The following MAGI1 variants were observed in gnomAD, a reference collection of about 807,000 sequenced individuals.
MAGI1 encodes membrane associated guanylate kinase, WW and PDZ domain containing 1.
Under a neutral mutation model 139.9 loss-of-function variants are expected in MAGI1, and 58 were observed. The observed-to-expected ratio is 0.41, with a 90% CI of 0.34 to 0.52. The LOEUF is 0.52. MAGI1 is among the 20% of genes least tolerant of loss of function. The pLI is 0.12. For missense variants in MAGI1, 1,874 were observed against 1,901.6 expected (o/e 0.99, Z 0.27); for synonymous variants, 812 against 737.9 (o/e 1.10, Z -1.63).
intron 1 of MAGI1, among the ~76,000 whole-genome samples, chr3:65,710,121 C>A (rs1559808512): frequency 6.6e-6 from 1 of 151,920 alleles, no homozygotes; most frequent in African/African-American, 2.4e-5. Flanking sequence ...ATTTCACAAG[C>A]CTTTTTTTAA....
chr3:65,618,329 A>G (rs563940775), intron 2 of MAGI1, among the ~76,000 whole-genome samples: 1 of 152,302 alleles, frequency 6.6e-6, no homozygotes, highest in Non-Finnish European at 1.5e-5. Flanking sequence ...CCATAGGTAC[A>G]CAAAGAAAAG....
intron 1 of MAGI1, among the ~76,000 whole-genome samples, chr3:66,012,764 TC>T (rs1234178091): frequency 3.4e-4 from 28 of 82,550 alleles, no homozygotes; most frequent in African/African-American, 9.2e-4. Flanking sequence ...AGACTCCATC[TC>T]AAAAAAAAAA....
intron 2 of MAGI1, among the ~76,000 whole-genome samples, chr3:65,570,043 T>C (rs2080876315): frequency 6.7e-6 from 1 of 148,700 alleles, no homozygotes; most frequent in South Asian, 2.1e-4. Flanking sequence ...CTCTTTCCAT[T>C]CCTACAGTGC....
intron 16 of MAGI1, among the ~76,000 whole-genome samples, chr3:65,381,449 T>C (rs148736886): frequency 6.6e-6 from 1 of 152,198 alleles, no homozygotes; most frequent in Non-Finnish European, 1.5e-5. Flanking sequence ...GTTTAATACA[T>C]AGGACAGTAA....
In MAGI1 at chr3:65,621,602, C is replaced by T. The variant is rs140338859; in HGVS notation, c.430+370G>A. Among the ~76,000 whole-genome samples the T allele has an allele frequency of 3.0e-3, 459 of 152,316 alleles. 1 individual carries two copies. The highest frequency in any genetic ancestry group is 0.011 in the African/African-American group (441 of 41,568). ...CTGGCCAGGTCTACTCCATTAATAA[C>T]AGCAAATGTTAACATTTATGGAGGC... On this transcript the variant is annotated intron_variant, in intron 2 of 22. Transcript: ENST00000402939.
intron 1 of MAGI1, among the ~76,000 whole-genome samples, chr3:65,677,324 G>C (rs1285415026): frequency 1.3e-5 from 2 of 152,146 alleles, no homozygotes; most frequent in African/African-American, 4.8e-5. Flanking sequence ...CAGGGGTATA[G>C]AGCAAGGTGG....
At chr3:65,421,690 C>T (rs1014290384) in intron 12 of MAGI1, among the ~76,000 whole-genome samples, 3 of 152,128 alleles carry the variant, frequency 2.0e-5, no homozygotes, top group African/African-American at 7.2e-5. Flanking sequence ...CCTTAAATAA[C>T]ATCAGTCTAG....
intron 12 of MAGI1, among the ~76,000 whole-genome samples, chr3:65,422,565 T>A (rs1487516267): frequency 2.0e-5 from 3 of 152,190 alleles, no homozygotes; most frequent in South Asian, 4.1e-4. Flanking sequence ...TCAATGCAGA[T>A]GATTTTCTGA....
chr3:65,999,719 G>A (rs2107432788), intron 1 of MAGI1, among the ~76,000 whole-genome samples: 1 of 151,950 alleles, frequency 6.6e-6, no homozygotes, highest in African/African-American at 2.4e-5. Flanking sequence ...ACACACCAAT[G>A]CTCCACAATC....
At chr3:65,431,573 A>C (rs932428888) in intron 10 of MAGI1, among the ~76,000 whole-genome samples, 2 of 152,118 alleles carry the variant, frequency 1.3e-5, no homozygotes, top group African/African-American at 4.8e-5. Flanking sequence ...TATTTGTTTA[A>C]AAAACACAAA....
At chr3:65,928,994 G>GA (rs2062661565) in intron 1 of MAGI1, among the ~76,000 whole-genome samples, 1 of 151,866 alleles carries the variant, frequency 6.6e-6, no homozygotes, top group African/African-American at 2.4e-5. Context: ...CTTATTTAAT[G>GA]AAAAAAGCAG....
At chr3:65,841,094 G>A (rs72907598) in intron 1 of MAGI1, among the ~76,000 whole-genome samples, 3,784 of 152,134 alleles carry the variant, frequency 0.025, 141 homozygotes, top group African/African-American at 0.085. Context: ...TCCCCTAGAC[G>A]TTTTTGGTAT....
chr3:65,721,719 T>C (rs2033050231), intron 1 of MAGI1, among the ~76,000 whole-genome samples: 2 of 152,172 alleles, frequency 1.3e-5, no homozygotes, highest in Admixed American at 6.5e-5. Flanking sequence ...ACTACTCCTC[T>C]TATTTATGCT....
At chr3:65,433,067 G>A (rs1947581874) in intron 10 of MAGI1, among the ~76,000 whole-genome samples, 1 of 151,982 alleles carries the variant, frequency 6.6e-6, no homozygotes, top group Admixed American at 6.6e-5. Flanking sequence ...TGATATGCAG[G>A]TACATAAAAC....
chr3:65,549,136 T>C (rs921999638), intron 2 of MAGI1, among the ~76,000 whole-genome samples: 3 of 151,798 alleles, frequency 2.0e-5, no homozygotes, highest in African/African-American at 4.8e-5. Flanking sequence ...CCAAGAAACA[T>C]GGCTGGCTGG....
At chr3:65,804,519 A>C (rs1478227164) in intron 1 of MAGI1, among the ~76,000 whole-genome samples, 1 of 152,078 alleles carries the variant, frequency 6.6e-6, no homozygotes, top group Non-Finnish European at 1.5e-5. Context: ...ATACTGATAT[A>C]AATTGATATT....
At chr3:65,491,321 T>C (rs1199966296) in intron 3 of MAGI1, among the ~76,000 whole-genome samples, 2 of 152,128 alleles carry the variant, frequency 1.3e-5, no homozygotes, top group Non-Finnish European at 2.9e-5. Context: ...TCTGTTGCAA[T>C]GATAAAATTA....
intron 1 of MAGI1, among the ~76,000 whole-genome samples, chr3:65,779,072 A>T (rs1055140471): frequency 2.0e-5 from 3 of 152,362 alleles, no homozygotes; most frequent in Non-Finnish European, 2.9e-5. Context: ...AGGAAAAGAA[A>T]CCCTGTAGCA....
At chr3:65,464,023 G>A (rs1950000870) in intron 5 of MAGI1, among the ~76,000 whole-genome samples, 1 of 151,884 alleles carries the variant, frequency 6.6e-6, no homozygotes, top group South Asian at 2.1e-4. Flanking sequence ...CTCTTTCAGG[G>A]ATGCCCTGGC....
Sources: allele counts gnomAD v4.1 joint callset (sites outside exome capture counted in the v4.1 genomes callset), GRCh38; gene constraint gnomAD v4.1.1; transcripts MANE v1.5; gene names NCBI Gene and HGNC (gene_info 2026-07-23, HGNC 2026-07-21).